CCDC102B: variants seen among roughly 807,000 people sequenced by gnomAD.
CCDC102B encodes the protein coiled-coil domain-containing protein 102B.
In CCDC102B, 75 loss-of-function variants were observed where a neutral mutation model predicts 57.4. That is an observed-to-expected ratio of 1.31 (90% CI 1.08 to 1.58). CCDC102B has a LOEUF of 1.58. Among genes scored for constraint, CCDC102B ranks in the 40% most tolerant of loss-of-function variants. The pLI, the probability that CCDC102B is intolerant of heterozygous loss-of-function variation, is 0.00. For synonymous variants in CCDC102B, 206 were observed against 201.9 expected (o/e 1.02, Z -0.17); for missense variants, 636 against 582.6 (o/e 1.09, Z -0.94).
chr18:68,799,233 G>A (rs1468130428), intron 1 of CCDC102B, among the ~76,000 whole-genome samples: 1 of 152,024 alleles, frequency 6.6e-6, no homozygotes, highest in South Asian at 2.1e-4. Context: ...TTATAAGTTA[G>A]CGATACAATA....
intron 2 of CCDC102B, among the ~76,000 whole-genome samples, chr18:68,761,334 T>G (rs1403168025): frequency 1.3e-5 from 2 of 152,070 alleles, no homozygotes; most frequent in Non-Finnish European, 2.9e-5. Flanking sequence ...TGTTGGAAGT[T>G]TTTCAATTTT....
At position 68,961,083 on chromosome 18, in the gene CCDC102B, A is replaced by G. The variant is rs376450676; in HGVS notation, c.1264-49851A>G. Among the ~76,000 whole-genome samples the G allele has an allele frequency of 4.6e-5, 7 of 152,258 alleles. No homozygotes were observed. The East Asian group carries it at 9.6e-4, about 21-fold the overall frequency. Reference sequence around the variant, plus strand: ...TTGCCCCAGAAAACTATGGTTGAATATATTAAATAATAAACATTTTATTTA... The same window carrying G: ...TTGCCCCAGAAAACTATGGTTGAATGTATTAAATAATAAACATTTTATTTA... On this transcript the variant is annotated intron_variant, in intron 6 of 7. Transcript: ENST00000360242.
intron 2 of CCDC102B, among the ~76,000 whole-genome samples, chr18:68,790,213 A>G (rs1027937509): frequency 2.7e-4 from 41 of 151,700 alleles, no homozygotes; most frequent in African/African-American, 9.3e-4. Context: ...GTGTGCTGGG[A>G]GAACCACTGC....
At chr18:68,867,078 A>G (rs532441228) in intron 4 of CCDC102B, 2 of 197,262 alleles carry the variant, frequency 1.0e-5, no homozygotes, top group African/African-American at 2.4e-5. Flanking sequence ...AAGGTCACCT[A>G]TCCTCCCATT....
intron 1 of CCDC102B, among the ~76,000 whole-genome samples, chr18:68,808,468 C>CGTT (rs2036113998): frequency 2.9e-4 from 27 of 91,800 alleles, no homozygotes; most frequent in Admixed American, 4.7e-4. Flanking sequence ...GCTTTTACTA[C>CGTT]TTTTTTTTTT....
chr18:68,844,015 G>A (rs2037747663), intron 3 of CCDC102B, among the ~76,000 whole-genome samples: 2 of 151,826 alleles, frequency 1.3e-5, no homozygotes, highest in South Asian at 4.1e-4. Flanking sequence ...AATTTTTAAT[G>A]AATTGCTTGT....
In CCDC102B at chr18:68,905,437, A is replaced by G. The variant is rs536631967; in HGVS notation, c.1263+8009A>G. The stretch of plus-strand genomic sequence containing the variant: ...TGCAAGTTTGAGTTAAAATCATAAG[A>G]TTAGTGTAAACTCAGATTAATAGAT... On this transcript the variant is annotated intron_variant, in intron 6 of 7. Transcript: ENST00000360242. Among the ~76,000 whole-genome samples, 230 of 151,356 alleles carry G rather than the reference A, an allele frequency of 1.5e-3. 1 individual carries two copies. The highest frequency in any genetic ancestry group is 5.4e-3 in the African/African-American group (222 of 41,218).
intron 6 of CCDC102B, among the ~76,000 whole-genome samples, chr18:68,929,938 G>T (rs906839144): frequency 1.3e-5 from 2 of 151,842 alleles, no homozygotes; most frequent in African/African-American, 4.8e-5. Context: ...AATGTAAGGA[G>T]AAAATATTAA....
chr18:68,717,812 C>T (rs1258181213), intron 2 of CCDC102B, among the ~76,000 whole-genome samples: 1 of 152,050 alleles, frequency 6.6e-6, no homozygotes, highest in Non-Finnish European at 1.5e-5. Flanking sequence ...ATTTTGCATA[C>T]ATATTGCTGT....
intron 5 of CCDC102B, among the ~76,000 whole-genome samples, chr18:68,891,374 C>A (rs112149087): frequency 6.6e-6 from 1 of 152,094 alleles, no homozygotes; most frequent in South Asian, 2.1e-4. Flanking sequence ...CCTTCTTTTC[C>A]TGATTTAATT....
chr18:68,810,383 A>T (rs2036197096), intron 1 of CCDC102B, among the ~76,000 whole-genome samples: 1 of 152,198 alleles, frequency 6.6e-6, no homozygotes, highest in Admixed American at 6.5e-5. Flanking sequence ...GACATTGCAG[A>T]TATTGCACAT....
chr18:68,733,506 A>ATATATATATATATATTTTTTTTTTT (rs1286743067), intron 2 of CCDC102B, among the ~76,000 whole-genome samples: 2 of 87,642 alleles, frequency 2.3e-5, no homozygotes, highest in African/African-American at 1.1e-4. Flanking sequence ...ATATATATAT[A>ATATATATATATATATTTTTTTTTTT]TTTTTTTAAC....
At chr18:68,884,154 C>T (rs894086873) in intron 5 of CCDC102B, among the ~76,000 whole-genome samples, 4 of 152,048 alleles carry the variant, frequency 2.6e-5, no homozygotes, top group African/African-American at 7.2e-5. Context: ...CCCAGCAATT[C>T]CTCCTCTGCG....
At chr18:68,807,222 C>G (rs2036066327) in intron 1 of CCDC102B, among the ~76,000 whole-genome samples, 1 of 151,802 alleles carries the variant, frequency 6.6e-6, no homozygotes, top group East Asian at 1.9e-4. Flanking sequence ...CAACTGGGAC[C>G]AATATATTCT....
At chr18:68,974,174 G>A (rs1721785235) in intron 6 of CCDC102B, among the ~76,000 whole-genome samples, 1 of 152,168 alleles carries the variant, frequency 6.6e-6, no homozygotes. Context: ...CCTTATGGGA[G>A]CTATTCAGGT....
intron 7 of CCDC102B, among the ~76,000 whole-genome samples, chr18:69,022,097 G>A (rs2051850457): frequency 1.3e-5 from 2 of 151,832 alleles, no homozygotes; most frequent in Admixed American, 6.6e-5. Flanking sequence ...ATGTTTTAAG[G>A]ACGGGTTATA....
chr18:68,975,823 CTACACCCCAGTAGTGCCACT>C (rs1241666467), intron 6 of CCDC102B, among the ~76,000 whole-genome samples: 2 of 151,010 alleles, frequency 1.3e-5, no homozygotes, highest in African/African-American at 4.9e-5. Flanking sequence ...AGGAAACATT[CTACACCCCAGTAGTGCCACT>C]TTCATTTAAA....
rs568773323 is a variant in CCDC102B at position 68,996,256 on chromosome 18, C to A, written c.1264-14678C>A. 2.6e-5 allele frequency among the ~76,000 whole-genome samples: 4 copies of A among 152,240 alleles called. No homozygotes were observed. In the East Asian group the frequency reaches 5.8e-4, roughly 22 times the overall value. On this transcript the variant is annotated intron_variant, in intron 6 of 7. Transcript: ENST00000360242. ...GGAAGGACCAGACTGGCTGAGTCTTCTGGCCTCCATCTTTCTCCCATGCTG... is the reference window on the plus strand; with the variant it reads ...GGAAGGACCAGACTGGCTGAGTCTTATGGCCTCCATCTTTCTCCCATGCTG...
At chr18:68,866,760 G>T in intron 4 of CCDC102B, 1 of 646,534 alleles carries the variant, frequency 1.5e-6, no homozygotes, top group Non-Finnish European at 3.0e-6. Context: ...TGAGTGCACG[G>T]GTCTGTCTTT....
Sources: allele counts gnomAD v4.1 joint callset (sites outside exome capture counted in the v4.1 genomes callset), GRCh38; gene constraint gnomAD v4.1.1; transcripts MANE v1.5; gene names NCBI Gene and HGNC (gene_info 2026-07-23, HGNC 2026-07-21).